The following KCNIP4 variants were observed in gnomAD, a reference collection of about 807,000 sequenced individuals.
The protein encoded by KCNIP4 is Kv channel-interacting protein 4.
Under a neutral mutation model 34.0 loss-of-function variants are expected in KCNIP4, and 12 were observed. That is an observed-to-expected ratio of 0.35 (90% CI 0.23 to 0.57). The LOEUF is 0.57. Among genes scored for constraint, KCNIP4 ranks in the 20% least tolerant of loss-of-function variants. The probability of loss-of-function intolerance (pLI) is 0.83; values close to 1 mark genes in which losing one functional copy is unlikely to be tolerated. For missense variants in KCNIP4, 238 were observed against 311.7 expected, an observed-to-expected ratio of 0.76 and a Z score of 1.78; for synonymous variants, 124 against 102.2, an observed-to-expected ratio of 1.21 and a Z score of -1.29.
intron 1 of KCNIP4, among the ~76,000 whole-genome samples, chr4:21,190,261 A>G (rs1455671080): frequency 1.3e-5 from 2 of 152,116 alleles, no homozygotes; most frequent in Non-Finnish European, 2.9e-5. Context: ...TCTTTTAAGT[A>G]ACTCTGGGAA....
intron 1 of KCNIP4, among the ~76,000 whole-genome samples, chr4:21,810,175 T>C (rs1721542335): frequency 6.6e-6 from 1 of 152,106 alleles, no homozygotes; most frequent in Admixed American, 6.6e-5. Flanking sequence ...AGGATGAAGA[T>C]AAAAAGAAAA....
intron 1 of KCNIP4, among the ~76,000 whole-genome samples, chr4:21,439,035 G>A (rs1203707961): frequency 1.3e-5 from 2 of 151,988 alleles, no homozygotes; most frequent in Middle Eastern, 6.8e-3. Context: ...GGCGGCGGGC[G>A]CCTGTAGTCC....
At chr4:21,247,849 G>GAT (rs370852203) in intron 1 of KCNIP4, among the ~76,000 whole-genome samples, 26,107 of 101,280 alleles carry the variant, frequency 0.26, 3,745 homozygotes, top group Admixed American at 0.32. Flanking sequence ...CACAGGTGGA[G>GAT]ATATATATAT....
chr4:20,982,455 T>C (rs577017154), intron 1 of KCNIP4, among the ~76,000 whole-genome samples: 9 of 152,342 alleles, frequency 5.9e-5, no homozygotes, highest in South Asian at 2.1e-4. Flanking sequence ...TGCTTATGCA[T>C]TGATTTCCTT....
intron 1 of KCNIP4, among the ~76,000 whole-genome samples, chr4:21,423,652 T>C (rs1176266248): frequency 6.6e-6 from 1 of 152,202 alleles, no homozygotes; most frequent in Non-Finnish European, 1.5e-5. Context: ...TGTCACAAAG[T>C]TCAATCCAAC....
chr4:21,408,617 G>A (rs11733661), intron 1 of KCNIP4, among the ~76,000 whole-genome samples: 9,883 of 152,212 alleles, frequency 0.065, 497 homozygotes, highest in African/African-American at 0.14. Flanking sequence ...GTTTCAATGC[G>A]ATGCAATTTA....
chr4:21,370,884 T>TACACACACACACAC (rs1360484906), intron 1 of KCNIP4, among the ~76,000 whole-genome samples: 1 of 83,114 alleles, frequency 1.2e-5, no homozygotes, highest in African/African-American at 6.5e-5. Context: ...CACACACACG[T>TACACACACACACAC]GTGTGTGTGT....
At chr4:20,801,076 A>G (rs1258097271) in intron 3 of KCNIP4, among the ~76,000 whole-genome samples, 1 of 152,208 alleles carries the variant, frequency 6.6e-6, no homozygotes, top group East Asian at 1.9e-4. Context: ...ATTAGAATAT[A>G]TCAGTAGATT....
intron 1 of KCNIP4, among the ~76,000 whole-genome samples, chr4:21,906,013 C>A (rs1324215924): frequency 6.6e-6 from 1 of 152,134 alleles, no homozygotes; most frequent in East Asian, 1.9e-4. Context: ...CCAGTCAAAT[C>A]CAGGCCCTCA....
chr4:21,374,832 C>G (rs1720824767), intron 1 of KCNIP4, among the ~76,000 whole-genome samples: 1 of 147,488 alleles, frequency 6.8e-6, no homozygotes, highest in Non-Finnish European at 1.5e-5. Flanking sequence ...TGGAGTGTAG[C>G]TTGGTGACAG....
chr4:21,525,378 G>A (rs961499733), intron 1 of KCNIP4, among the ~76,000 whole-genome samples: 3 of 152,090 alleles, frequency 2.0e-5, no homozygotes, highest in Non-Finnish European at 4.4e-5. Flanking sequence ...TTACTGTTCA[G>A]TACTGAAAAG....
chr4:20,748,904 A>G (rs368884986), intron 5 of KCNIP4, among the ~76,000 whole-genome samples: 17,100 of 148,866 alleles, frequency 0.11, 1,158 homozygotes, highest in South Asian at 0.19. Context: ...GTATATATAT[A>G]TATATATATA....
Position 21,310,321 on chromosome 4 carries a change from C to T in KCNIP4, c.62-427612G>A, listed in dbSNP as rs187058041. Among the ~76,000 whole-genome samples, 22 of 152,204 alleles carry T rather than the reference C, an allele frequency of 1.4e-4. No individual in the cohort carries two copies. In the East Asian group the frequency reaches 4.3e-3, roughly 30 times the overall value. ...AAAGTGCTGGGACTACAGGTGTAAG[C>T]CACCACACCCAGCCTTGCCAGAGAA... On this transcript the variant is annotated intron_variant, in intron 1 of 8. Transcript: ENST00000382152.
At chr4:20,859,336 C>T (rs974409010) in intron 2 of KCNIP4, among the ~76,000 whole-genome samples, 2 of 152,164 alleles carry the variant, frequency 1.3e-5, no homozygotes, top group African/African-American at 2.4e-5. Flanking sequence ...ATCTCCAGGC[C>T]ATGCAGACAT....
At chr4:21,872,620 A>C (rs1217455988) in intron 1 of KCNIP4, among the ~76,000 whole-genome samples, 1 of 152,174 alleles carries the variant, frequency 6.6e-6, no homozygotes, top group Non-Finnish European at 1.5e-5. Context: ...TCCTGATAAA[A>C]GTTATCTTAA....
At chr4:21,534,660 T>G (rs549537207) in intron 1 of KCNIP4, among the ~76,000 whole-genome samples, 56 of 152,236 alleles carry the variant, frequency 3.7e-4, no homozygotes, top group Middle Eastern at 3.4e-3. Context: ...AGCCCTCCAG[T>G]GCTTCATGAA....
At chr4:21,036,585 G>A (rs958997155) in intron 1 of KCNIP4, among the ~76,000 whole-genome samples, 1 of 152,198 alleles carries the variant, frequency 6.6e-6, no homozygotes, top group Non-Finnish European at 1.5e-5. Flanking sequence ...GATTAGCTGG[G>A]CATGGGGGTG....
intron 1 of KCNIP4, among the ~76,000 whole-genome samples, chr4:20,907,140 A>C (rs1190878212): frequency 6.6e-6 from 1 of 152,212 alleles, no homozygotes; most frequent in Non-Finnish European, 1.5e-5. Flanking sequence ...AGACACACAA[A>C]TATAACAAAA....
intron 1 of KCNIP4, among the ~76,000 whole-genome samples, chr4:20,894,784 T>C (rs1467746768): frequency 6.6e-6 from 1 of 152,130 alleles, no homozygotes; most frequent in Non-Finnish European, 1.5e-5. Flanking sequence ...GAACAAGAAA[T>C]GAATTAAACA....
Sources: allele counts gnomAD v4.1 joint callset (sites outside exome capture counted in the v4.1 genomes callset), GRCh38; gene constraint gnomAD v4.1.1; transcripts MANE v1.5; gene names NCBI Gene and HGNC (gene_info 2026-07-23, HGNC 2026-07-21).